PRORP: variants seen among roughly 807,000 people sequenced by gnomAD.
PRORP encodes protein only RNase P catalytic subunit.
In PRORP, 51 loss-of-function variants were observed where a neutral mutation model predicts 59.4. The observed-to-expected ratio is 0.86, with a 90% CI of 0.69 to 1.08. PRORP has a LOEUF of 1.08. PRORP is among the 50% of genes least tolerant of loss of function. PRORP has a pLI of 0.00. For missense variants in PRORP, 646 were observed against 690.3 expected (o/e 0.94, Z 0.72); for synonymous variants, 231 against 245.6 (o/e 0.94, Z 0.55).
chr14:35,126,713 T>G, intron 2 of PRORP, 22 bp from the exon 3 acceptor site: 3 of 1,589,634 alleles, frequency 1.9e-6, no homozygotes, highest in Non-Finnish European at 2.6e-6. Flanking sequence ...TCTCATGATT[T>G]GGTTTTGCAA....
chr14:35,153,137 C>T (rs1218091789), intron 4 of PRORP, among the ~76,000 whole-genome samples: 1 of 152,260 alleles, frequency 6.6e-6, no homozygotes, highest in Non-Finnish European at 1.5e-5. Context: ...GTCTCAATCC[C>T]GGCACCTCGG....
At chr14:35,130,728 G>A (rs1236177043) in intron 4 of PRORP, among the ~76,000 whole-genome samples, 1 of 151,278 alleles carries the variant, frequency 6.6e-6, no homozygotes, top group African/African-American at 2.4e-5. Flanking sequence ...ACTTTATCCA[G>A]CTGCGTCGGC....
chr14:35,167,499 A>G (rs770752758), intron 4 of PRORP, among the ~76,000 whole-genome samples: 2 of 152,148 alleles, frequency 1.3e-5, no homozygotes, highest in African/African-American at 4.8e-5. Context: ...AGTTTACAGT[A>G]CTGTTGCCAG....
intron 5 of PRORP, among the ~76,000 whole-genome samples, chr14:35,231,245 C>G (rs1458082000): frequency 6.6e-6 from 1 of 152,130 alleles, no homozygotes; most frequent in Admixed American, 6.6e-5. Flanking sequence ...TTTTAATCTA[C>G]TAAACTCCTA....
chr14:35,228,962 T>G (rs1024380293), intron 5 of PRORP, among the ~76,000 whole-genome samples: 2 of 152,130 alleles, frequency 1.3e-5, no homozygotes, highest in Admixed American at 6.5e-5. Context: ...CAGCATCTGT[T>G]TTTTACTTTT....
chr14:35,184,104 G>T (rs752981295), intron 5 of PRORP, among the ~76,000 whole-genome samples: 2 of 150,832 alleles, frequency 1.3e-5, no homozygotes, highest in South Asian at 2.1e-4. Context: ...CATTTTTCTC[G>T]GTCCTTTTAC....
At chr14:35,240,066 C>T (rs760547994) in intron 5 of PRORP, among the ~76,000 whole-genome samples, 1 of 136,924 alleles carries the variant, frequency 7.3e-6, no homozygotes, top group Non-Finnish European at 1.6e-5. Context: ...CAGAGTAAGA[C>T]TCCATCTCAA....
At chr14:35,216,622 T>A (rs2049602937) in intron 5 of PRORP, among the ~76,000 whole-genome samples, 1 of 152,220 alleles carries the variant, frequency 6.6e-6, no homozygotes, top group African/African-American at 2.4e-5. Flanking sequence ...TGCCTGTTTT[T>A]GTGTTGACAT....
chr14:35,137,052 G>A (rs1204404361), intron 4 of PRORP, among the ~76,000 whole-genome samples: 1 of 145,994 alleles, frequency 6.8e-6, no homozygotes, highest in Non-Finnish European at 1.5e-5. Flanking sequence ...AATCATTGAT[G>A]ACCTTGGGAA....
intron 5 of PRORP, among the ~76,000 whole-genome samples, chr14:35,240,062 A>G (rs551289680): frequency 2.4e-4 from 35 of 148,792 alleles, no homozygotes; most frequent in Admixed American, 2.0e-3. Context: ...GTGACAGAGT[A>G]AGACTCCATC....
intron 5 of PRORP, among the ~76,000 whole-genome samples, chr14:35,197,775 T>C (rs191066092): frequency 6.6e-6 from 1 of 152,316 alleles, no homozygotes; most frequent in Admixed American, 6.5e-5. Flanking sequence ...TTATAATATA[T>C]GTGATACAGA....
chr14:35,146,104 T>G (rs1157211595), intron 4 of PRORP, among the ~76,000 whole-genome samples: 1 of 152,160 alleles, frequency 6.6e-6, no homozygotes, highest in Non-Finnish European at 1.5e-5. Flanking sequence ...GTGCTGGGAT[T>G]ACAGGTGTGA....
chr14:35,245,212 C>G (rs1419291792), intron 5 of PRORP, among the ~76,000 whole-genome samples: 4 of 152,150 alleles, frequency 2.6e-5, no homozygotes, highest in Non-Finnish European at 5.9e-5. Context: ...TAGGTCAAAA[C>G]AAAAATTTTT....
chr14:35,232,240 T>G (rs2138500416), intron 5 of PRORP, among the ~76,000 whole-genome samples: 1 of 151,958 alleles, frequency 6.6e-6, no homozygotes. Context: ...GGGTCTCACT[T>G]TGTCACCCAG....
intron 5 of PRORP, among the ~76,000 whole-genome samples, chr14:35,213,607 A>G (rs1446687314): frequency 6.6e-6 from 1 of 152,156 alleles, no homozygotes; most frequent in Non-Finnish European, 1.5e-5. Context: ...TCACTTTTGA[A>G]CACTTAGTGG....
intron 5 of PRORP, among the ~76,000 whole-genome samples, chr14:35,221,299 T>C (rs2049775336): frequency 1.3e-5 from 2 of 152,116 alleles, no homozygotes; most frequent in Admixed American, 6.6e-5. Context: ...AAATCATAAT[T>C]GATGCAAAAA....
chr14:35,158,564 G>A, intron 4 of PRORP: 1 of 254,378 alleles, frequency 3.9e-6, no homozygotes, highest in South Asian at 5.4e-5. Context: ...GTTATTATCT[G>A]GTTTAATTCC....
intron 5 of PRORP, among the ~76,000 whole-genome samples, chr14:35,227,612 A>G (rs4981276): frequency 0.2 from 29,743 of 151,948 alleles, 3,577 homozygotes; most frequent in East Asian, 0.33. Flanking sequence ...ATCCTGGTCT[A>G]TCCTTACATA....
At chr14:35,235,871 C>T (rs2050197312) in intron 5 of PRORP, among the ~76,000 whole-genome samples, 1 of 151,746 alleles carries the variant, frequency 6.6e-6, no homozygotes. Context: ...TTGAGACCAG[C>T]CTGGGCAAGG....
Sources: gnomAD v4.1 joint callset for allele counts (sites outside exome capture counted in the v4.1 genomes callset) on GRCh38, gnomAD v4.1.1 for gene constraint, MANE v1.5 for transcripts, NCBI Gene and HGNC (gene_info 2026-07-23, HGNC 2026-07-21) for gene names.